Variants in ACKR2 observed in about 807,000 individuals in gnomAD.
ACKR2 encodes atypical chemokine receptor 2.
For missense variants in ACKR2, 457 were observed against 477.3 expected (o/e 0.96, Z 0.40); for synonymous variants, 207 against 192.2 (o/e 1.08, Z -0.64).
chr3:42,843,314 G>GC (rs201001650), intron 2 of ACKR2, among the ~76,000 whole-genome samples: 3,143 of 151,830 alleles, frequency 0.021, 107 homozygotes, highest in African/African-American at 0.069. Context: ...CAAGTGATCT[G>GC]CCCCCCCAGC....
chr3:42,841,427 C>T (rs1201152337), intron 2 of ACKR2: 2 of 152,164 alleles, frequency 1.3e-5, no homozygotes, highest in Non-Finnish European at 2.9e-5. Context: ...CATGTAAGCT[C>T]AGATCTCTTG....
Position 42,864,982 on chromosome 3 carries a change from G to A in ACKR2, c.480G>A (p.Lys160=). 1.2e-6 allele frequency: 2 copies of A among 1,614,192 alleles called. No homozygotes were observed. Among genetic ancestry groups the A allele is most frequent in the South Asian group, 2.2e-5 (2 of 91,090 alleles). Residue 160 remains lysine, a synonymous_variant, in exon 3 of 3, where the codon AAG becomes AAA. Coordinates refer to ENST00000422265, the MANE Select transcript of ACKR2 (RefSeq NM_001296.5). ...ACCACAGGCTGAGGACCCGGGCCAAGAGCCTGCTCCTTGCTACCATAGTAT... is the reference window on the plus strand; with the variant it reads ...ACCACAGGCTGAGGACCCGGGCCAAAAGCCTGCTCCTTGCTACCATAGTAT... ...QPYHRLRTRA[K]SLLLATIVWA... is the part of the protein sequence containing the mutation.
chr3:42,811,642 AG>A (rs1700696217), intron 1 of ACKR2, among the ~76,000 whole-genome samples: 1 of 151,882 alleles, frequency 6.6e-6, no homozygotes, highest in Non-Finnish European at 1.5e-5. Flanking sequence ...TTAGTAAAAG[AG>A]GAAGGTCTCT....
At chr3:42,826,580 TTC>T (rs1056531090) in intron 2 of ACKR2, among the ~76,000 whole-genome samples, 1 of 152,084 alleles carries the variant, frequency 6.6e-6, no homozygotes, top group Admixed American at 6.5e-5. Context: ...TCTATAGTGA[TTC>T]TCTCTCTTTT....
At chr3:42,821,692 T>C (rs866784890) in intron 2 of ACKR2, among the ~76,000 whole-genome samples, 2 of 152,002 alleles carry the variant, frequency 1.3e-5, no homozygotes, top group Admixed American at 6.6e-5. Flanking sequence ...TTATAGAATA[T>C]ATATATGTTT....
intron 1 of ACKR2, among the ~76,000 whole-genome samples, chr3:42,810,601 A>G (rs1700685456): frequency 1.3e-5 from 2 of 151,958 alleles, no homozygotes; most frequent in Non-Finnish European, 2.9e-5. Context: ...TGCTCACCCT[A>G]TCTAAAAAAA....
intron 2 of ACKR2, among the ~76,000 whole-genome samples, chr3:42,863,769 A>C (rs1395112646): frequency 6.6e-6 from 1 of 152,204 alleles, no homozygotes; most frequent in East Asian, 1.9e-4. Flanking sequence ...ACAGAAAACA[A>C]AACACTGCAT....
At chr3:42,813,607 G>C (rs917570150) in intron 1 of ACKR2, among the ~76,000 whole-genome samples, 5 of 152,146 alleles carry the variant, frequency 3.3e-5, no homozygotes, top group African/African-American at 1.2e-4. Flanking sequence ...GTCCACCCCC[G>C]TGATCTAATC....
chr3:42,861,951 A>G (rs1230747535), intron 2 of ACKR2, among the ~76,000 whole-genome samples: 1 of 152,238 alleles, frequency 6.6e-6, no homozygotes, highest in Non-Finnish European at 1.5e-5. Context: ...GAAAACCGGC[A>G]CAAGACAAGG....
At chr3:42,856,566 T>C in intron 2 of ACKR2, 1 of 558,122 alleles carries the variant, frequency 1.8e-6, no homozygotes, top group African/African-American at 1.9e-5. Flanking sequence ...TTATAAGACC[T>C]CATAAAATGA....
At chr3:42,827,174 G>A (rs78370548) in intron 2 of ACKR2, among the ~76,000 whole-genome samples, 2,056 of 152,272 alleles carry the variant, frequency 0.014, 41 homozygotes, top group African/African-American at 0.047. Context: ...ATGTGCACCT[G>A]AGAAGAACAT....
rs1478191949 is a variant in ACKR2, at chr3:42,865,455, G to A, written c.953G>A (p.Arg318His). Residue 318 changes from arginine to histidine, a missense_variant, in exon 3 of 3, where the codon CGC becomes CAC. Coordinates refer to ENST00000422265, the MANE Select transcript of ACKR2 (RefSeq NM_001296.5). ...ATCCTGTATGCCTTCTCCAGTCACC[G>A]CTTCCGCCAGTACCTGAAGGCTTTC... ...SPILYAFSSHRFRQYLKAFLA... is the reference protein window; with the variant it reads ...SPILYAFSSHHFRQYLKAFLA... 4 of 1,614,058 alleles carry A rather than the reference G, an allele frequency of 2.5e-6. No individual in the cohort carries two copies. The highest frequency in any genetic ancestry group is 3.4e-6 in the Non-Finnish European group (4 of 1,180,034).
At chr3:42,836,166 T>C (rs906366202) in intron 2 of ACKR2, among the ~76,000 whole-genome samples, 3 of 152,116 alleles carry the variant, frequency 2.0e-5, no homozygotes, top group Non-Finnish European at 4.4e-5. Flanking sequence ...TCCAAACATA[T>C]ATATAAATTA....
chr3:42,852,041 C>T lies in ACKR2; in HGVS notation c.-37-12425C>T, dbSNP rs879884246. The stretch of plus-strand genomic sequence containing the variant: ...ATTCATTTTAGGGGCTGGAAGAGAA[C>T]CAATAGTATATGCCAGGCCCTTAGT... On this transcript the variant is annotated intron_variant, in intron 2 of 2. Coordinates refer to ENST00000422265, the MANE Select transcript of ACKR2 (RefSeq NM_001296.5). This position sits in a 1 kb window ranked among gnomAD's most constrained non-coding sequence, Gnocchi z 4.3. Among the ~76,000 whole-genome samples, 1 of 152,128 alleles carries T rather than the reference C, an allele frequency of 6.6e-6. No individual in the cohort carries two copies. Among genetic ancestry groups the T allele is most frequent in the Admixed American group, 6.6e-5 (1 of 15,266 alleles).
At chr3:42,849,256 C>T (rs890265590) in intron 2 of ACKR2, among the ~76,000 whole-genome samples, 4 of 152,100 alleles carry the variant, frequency 2.6e-5, no homozygotes, top group Non-Finnish European at 4.4e-5. Context: ...AATCCCAGCA[C>T]GTTGGGAGGC....
At chr3:42,820,592 CAAAA>C (rs749184218) in intron 2 of ACKR2, among the ~76,000 whole-genome samples, 1 of 69,782 alleles carries the variant, frequency 1.4e-5, no homozygotes. Flanking sequence ...GACTCTGTCT[CAAAA>C]AAAAAAAAAA....
chr3:42,853,543 G>A (rs1170497758), intron 2 of ACKR2, among the ~76,000 whole-genome samples: 1 of 152,078 alleles, frequency 6.6e-6, no homozygotes, highest in Non-Finnish European at 1.5e-5. Flanking sequence ...GGGACTATAG[G>A]TGCATGCCAC....
intron 2 of ACKR2, among the ~76,000 whole-genome samples, chr3:42,825,576 G>GGT (rs1441233041): frequency 3.3e-5 from 3 of 90,432 alleles, no homozygotes; most frequent in Non-Finnish European, 7.2e-5. Flanking sequence ...TGTTAGCTCT[G>GGT]ATGTGTGTGT....
chr3:42,822,879 C>A (rs903213475), intron 2 of ACKR2, among the ~76,000 whole-genome samples: 9 of 152,026 alleles, frequency 5.9e-5, no homozygotes, highest in Non-Finnish European at 7.4e-5. Flanking sequence ...AATCTGCCCC[C>A]CTTCCCCAGT....
Sources: gnomAD v4.1 joint callset for allele counts (sites outside exome capture counted in the v4.1 genomes callset) on GRCh38, gnomAD v4.1.1 for gene constraint, Gnocchi (gnomAD v3.1) non-coding constraint, MANE v1.5 for transcripts, NCBI Gene and HGNC (gene_info 2026-07-23, HGNC 2026-07-21) for gene names.